The following CHCHD6 variants were observed in gnomAD, a reference collection of about 807,000 sequenced individuals.
CHCHD6 encodes the protein coiled-coil-helix-coiled-coil-helix domain containing 6.
In CHCHD6, 28 loss-of-function variants were observed where a neutral mutation model predicts 32.3. That is an observed-to-expected ratio of 0.87 (90% CI 0.64 to 1.19). The LOEUF (loss-of-function observed/expected upper bound fraction) is 1.19, where lower values mean the gene tolerates loss of function less well. CHCHD6 is among the 50% of genes most tolerant of loss of function. CHCHD6 has a pLI of 0.00. For missense variants in CHCHD6, 333 were observed against 307.0 expected, an observed-to-expected ratio of 1.08 and a Z score of -0.63; for synonymous variants, 122 against 117.5, an observed-to-expected ratio of 1.04 and a Z score of -0.25.
chr3:126,859,508 A>G (rs1164794188), intron 5 of CHCHD6, among the ~76,000 whole-genome samples: 1 of 152,254 alleles, frequency 6.6e-6, no homozygotes, highest in Non-Finnish European at 1.5e-5. Context: ...CTGATGATTG[A>G]GAAGTATCAG....
At chr3:126,728,401 C>T (rs536786871) in intron 2 of CHCHD6, among the ~76,000 whole-genome samples, 10 of 152,264 alleles carry the variant, frequency 6.6e-5, no homozygotes, top group East Asian at 3.9e-4. Context: ...AGCGGAGGTC[C>T]GGCGACAGGG....
intron 4 of CHCHD6, among the ~76,000 whole-genome samples, chr3:126,810,508 T>C (rs989074438): frequency 2.6e-5 from 4 of 152,198 alleles, no homozygotes; most frequent in Admixed American, 6.5e-5. Flanking sequence ...TTGATGTTGA[T>C]AGAAATAAAC....
chr3:126,772,118 T>C (rs1393533865), intron 4 of CHCHD6, among the ~76,000 whole-genome samples: 1 of 152,206 alleles, frequency 6.6e-6, no homozygotes, highest in Non-Finnish European at 1.5e-5. Context: ...TTTTGTTTTT[T>C]TGAGATAGAG....
intron 4 of CHCHD6, among the ~76,000 whole-genome samples, chr3:126,818,163 T>C (rs1939989420): frequency 6.6e-6 from 1 of 152,234 alleles, no homozygotes; most frequent in Non-Finnish European, 1.5e-5. Flanking sequence ...CTAGACAGAC[T>C]CTTTTCCTCC....
chr3:126,913,002 G>A (rs2078114962), intron 5 of CHCHD6, among the ~76,000 whole-genome samples: 1 of 152,194 alleles, frequency 6.6e-6, no homozygotes, highest in African/African-American at 2.4e-5. Flanking sequence ...CCCAGCTTCA[G>A]CCAGGCTAGC....
At chr3:126,714,347 G>T (rs960902323) in intron 1 of CHCHD6, among the ~76,000 whole-genome samples, 1 of 152,108 alleles carries the variant, frequency 6.6e-6, no homozygotes, top group Admixed American at 6.6e-5. Flanking sequence ...GCATTTGTGT[G>T]TGCCATGCTT....
intron 4 of CHCHD6, among the ~76,000 whole-genome samples, chr3:126,779,232 T>G (rs1937800362): frequency 6.6e-6 from 1 of 152,122 alleles, no homozygotes; most frequent in Admixed American, 6.6e-5. Context: ...ACACCTATGA[T>G]TCTTCTAAGA....
At chr3:126,894,865 C>T (rs907519360) in intron 5 of CHCHD6, among the ~76,000 whole-genome samples, 5 of 152,210 alleles carry the variant, frequency 3.3e-5, no homozygotes, top group African/African-American at 7.2e-5. Context: ...AGGTGCTTTC[C>T]ATTTACCACT....
intron 4 of CHCHD6, chr3:126,766,285 T>A: frequency 3.2e-6 from 1 of 313,076 alleles, no homozygotes; most frequent in East Asian, 7.2e-5. Context: ...TTGGATCACT[T>A]GTAAAATGGA....
At chr3:126,919,402 C>T (rs1305058229) in intron 6 of CHCHD6, among the ~76,000 whole-genome samples, 21 of 150,956 alleles carry the variant, frequency 1.4e-4, no homozygotes, top group Admixed American at 1.3e-3. Context: ...CAGCCTCAAC[C>T]GCCTGGGCTC....
chr3:126,941,112 G>A (rs531941775), intron 6 of CHCHD6, among the ~76,000 whole-genome samples: 1 of 152,200 alleles, frequency 6.6e-6, no homozygotes, highest in African/African-American at 2.4e-5. Flanking sequence ...GTCTATAATC[G>A]TATGCACCCA....
intron 5 of CHCHD6, among the ~76,000 whole-genome samples, chr3:126,887,310 C>T (rs2077692037): frequency 6.6e-6 from 1 of 151,944 alleles, no homozygotes; most frequent in Non-Finnish European, 1.5e-5. Context: ...AATAGCATAG[C>T]TGTGAGGATT....
chr3:126,814,135 G>A (rs1361930203), intron 4 of CHCHD6, among the ~76,000 whole-genome samples: 6 of 152,184 alleles, frequency 3.9e-5, no homozygotes, highest in Non-Finnish European at 7.3e-5. Flanking sequence ...CGATATCAGA[G>A]GTAGTCAGAA....
At chr3:126,837,764 A>G (rs1367115432) in intron 4 of CHCHD6, among the ~76,000 whole-genome samples, 1 of 152,174 alleles carries the variant, frequency 6.6e-6, no homozygotes, top group Admixed American at 6.5e-5. Flanking sequence ...GCCCTGACCA[A>G]TATCTAGGTG....
chr3:126,950,353 CTTATTGTGGA>C (rs1038297505), intron 6 of CHCHD6, among the ~76,000 whole-genome samples: 6 of 152,174 alleles, frequency 3.9e-5, no homozygotes, highest in Admixed American at 1.3e-4. Context: ...TGCAGAGAAG[CTTATTGTGGA>C]TCAGCAGGAA....
At chr3:126,785,081 T>C (rs1331708022) in intron 4 of CHCHD6, among the ~76,000 whole-genome samples, 1 of 152,228 alleles carries the variant, frequency 6.6e-6, no homozygotes, top group African/African-American at 2.4e-5. Flanking sequence ...AGTAATGTCA[T>C]CTTGCACAAC....
intron 4 of CHCHD6, among the ~76,000 whole-genome samples, chr3:126,813,674 A>T (rs1320708756): frequency 6.6e-6 from 1 of 152,170 alleles, no homozygotes; most frequent in Non-Finnish European, 1.5e-5. Flanking sequence ...CACTCTCATG[A>T]CCTATCTAGG....
At chr3:126,742,949 G>A (rs1020824297) in intron 4 of CHCHD6, among the ~76,000 whole-genome samples, 2 of 152,134 alleles carry the variant, frequency 1.3e-5, no homozygotes, top group African/African-American at 4.8e-5. Flanking sequence ...GATAGGTGGT[G>A]GTCACCCTGG....
chr3:126,850,983 TC>T (rs1941454886), intron 4 of CHCHD6, among the ~76,000 whole-genome samples: 1 of 152,148 alleles, frequency 6.6e-6, no homozygotes. Flanking sequence ...CATTTTTAGA[TC>T]CCCTGCAGCT....
Sources: allele counts gnomAD v4.1 joint callset (sites outside exome capture counted in the v4.1 genomes callset), GRCh38; gene constraint gnomAD v4.1.1; transcripts MANE v1.5; gene names NCBI Gene and HGNC (gene_info 2026-07-23, HGNC 2026-07-21).